XKR4: variants seen among roughly 807,000 people sequenced by gnomAD.
The protein encoded by XKR4 is XK related 4.
A neutral mutation model predicts 53.9 loss-of-function variants in XKR4; 12 were observed. The ratio of observed to expected loss-of-function variants is 0.22; its 90% CI spans 0.14 to 0.36. The LOEUF (loss-of-function observed/expected upper bound fraction) is 0.36. Ranked by LOEUF, XKR4 falls within the 10% of genes least tolerant of loss-of-function variation. The pLI is 1.00. For missense variants in XKR4, 799 were observed against 859.5 expected (o/e 0.93, Z 0.88); for synonymous variants, 354 against 362.4 (o/e 0.98, Z 0.26).
intron 2 of XKR4, among the ~76,000 whole-genome samples, chr8:55,489,956 T>C (rs60037021): frequency 0.33 from 50,524 of 152,072 alleles, 9,892 homozygotes; most frequent in African/African-American, 0.56. Context: ...ATTGCCATCA[T>C]ACATTTACAT....
At position 55,478,706 on chromosome 8, in the gene XKR4, T is replaced by G. The variant is rs1325204417; in HGVS notation, c.1007-44575T>G. Among the ~76,000 whole-genome samples, 383 of 152,092 alleles carry G rather than the reference T, an allele frequency of 2.5e-3. 1 individual carries two copies. The highest frequency in any genetic ancestry group is 8.9e-3 in the African/African-American group (368 of 41,422). ...CTCAAAATAAAAGGATGGAGGAAGA[T>G]CTACCAAGCAAATGGAAAACAAAAA... On this transcript the variant is annotated intron_variant, in intron 2 of 2. Transcript: ENST00000327381.
intron 1 of XKR4, among the ~76,000 whole-genome samples, chr8:55,206,043 G>A (rs920022004): frequency 3.9e-5 from 6 of 152,160 alleles, no homozygotes; most frequent in East Asian, 1.9e-4. Flanking sequence ...TGTTCCTACC[G>A]GTGGGTTCGT....
chr8:55,338,923 T>C (rs562519571), intron 1 of XKR4, among the ~76,000 whole-genome samples: 1 of 152,350 alleles, frequency 6.6e-6, no homozygotes, highest in Non-Finnish European at 1.5e-5. Flanking sequence ...GAGCAATAAG[T>C]AAATTGAACT....
At chr8:55,386,262 C>T (rs1158831623) in intron 2 of XKR4, among the ~76,000 whole-genome samples, 1 of 152,146 alleles carries the variant, frequency 6.6e-6, no homozygotes, top group Non-Finnish European at 1.5e-5. Flanking sequence ...GGGTCCCTCG[C>T]GGAGTCTTCC....
chr8:55,434,123 TA>T (rs1318253851), intron 2 of XKR4, among the ~76,000 whole-genome samples: 1 of 152,136 alleles, frequency 6.6e-6, no homozygotes, highest in African/African-American at 2.4e-5. Flanking sequence ...GTTTACTTAT[TA>T]AAAAATAAGT....
At chr8:55,455,138 A>G (rs1313618810) in intron 2 of XKR4, 3 of 605,900 alleles carry the variant, frequency 5.0e-6, no homozygotes, top group African/African-American at 3.6e-5. Flanking sequence ...GATCCGCGCC[A>G]TGGGGAGGGA....
At chr8:55,390,042 A>G (rs771144340) in intron 2 of XKR4, among the ~76,000 whole-genome samples, 3 of 152,186 alleles carry the variant, frequency 2.0e-5, no homozygotes, top group African/African-American at 7.2e-5. Context: ...ACGGGAAAAA[A>G]CAAACTTTAA....
intron 2 of XKR4, among the ~76,000 whole-genome samples, chr8:55,489,065 G>A (rs1334181883): frequency 2.6e-5 from 4 of 152,112 alleles, no homozygotes; most frequent in Non-Finnish European, 5.9e-5. Context: ...CTACAATGGT[G>A]GATACATGGC....
At chr8:55,509,075 T>C (rs1302114434) in intron 2 of XKR4, among the ~76,000 whole-genome samples, 2 of 152,240 alleles carry the variant, frequency 1.3e-5, no homozygotes, top group Non-Finnish European at 2.9e-5. Flanking sequence ...AATATATGGA[T>C]TGAAAAAGTT....
At chr8:55,392,493 A>C (rs1425214882) in intron 2 of XKR4, among the ~76,000 whole-genome samples, 1 of 152,244 alleles carries the variant, frequency 6.6e-6, no homozygotes, top group African/African-American at 2.4e-5. Context: ...TCGAGTTACT[A>C]TTAAAAATTA....
rs903393998 is a variant in XKR4, at chr8:55,187,208, G to A, written c.806+83914G>A. 2.6e-5 allele frequency among the ~76,000 whole-genome samples: 4 copies of A among 151,264 alleles called. 1 individual carries two copies. Among genetic ancestry groups the A allele is most frequent in the Admixed American group, 6.6e-5 (1 of 15,160 alleles). On this transcript the variant is annotated intron_variant, in intron 1 of 2. Coordinates refer to ENST00000327381, the MANE Select transcript of XKR4 (RefSeq NM_052898.2). ...TTGAATCACTTGCTGTAGTGTTTCTGCGGGGGAATCTAGACTGCCAGGCAC... is the reference window on the plus strand; with the variant it reads ...TTGAATCACTTGCTGTAGTGTTTCTACGGGGGAATCTAGACTGCCAGGCAC...
intron 2 of XKR4, among the ~76,000 whole-genome samples, chr8:55,461,115 T>G (rs1306312005): frequency 6.6e-6 from 1 of 152,190 alleles, no homozygotes; most frequent in African/African-American, 2.4e-5. Flanking sequence ...CTGACTGCTT[T>G]GAAGAGAGTA....
intron 1 of XKR4, among the ~76,000 whole-genome samples, chr8:55,281,449 G>C (rs1041644886): frequency 3.9e-5 from 6 of 152,116 alleles, no homozygotes; most frequent in Non-Finnish European, 7.3e-5. Context: ...GGGAAGAGGA[G>C]GGACTCAAGG....
intron 2 of XKR4, chr8:55,454,734 C>T: frequency 1.2e-6 from 1 of 803,304 alleles, no homozygotes; most frequent in East Asian, 2.4e-5. Flanking sequence ...TGTTCCTGAA[C>T]ACCTCCGCAT....
intron 1 of XKR4, among the ~76,000 whole-genome samples, chr8:55,293,532 T>C (rs1038083674): frequency 5.9e-5 from 9 of 152,180 alleles, no homozygotes; most frequent in African/African-American, 2.2e-4. Flanking sequence ...ATACATTTTA[T>C]CATTTATATC....
intron 1 of XKR4, among the ~76,000 whole-genome samples, chr8:55,253,731 C>CTTTTTTTT (rs67608017): frequency 2.6e-5 from 3 of 113,706 alleles, no homozygotes; most frequent in African/African-American, 6.4e-5. Context: ...ATTTTCTTTT[C>CTTTTTTTT]TTTTTTTTTT....
At chr8:55,411,024 C>T (rs529421630) in intron 2 of XKR4, among the ~76,000 whole-genome samples, 42 of 152,344 alleles carry the variant, frequency 2.8e-4, no homozygotes, top group African/African-American at 9.9e-4. Flanking sequence ...CTCTGACTTA[C>T]AACCAAATCT....
chr8:55,402,681 G>A (rs1365665326), intron 2 of XKR4, among the ~76,000 whole-genome samples: 1 of 152,184 alleles, frequency 6.6e-6, no homozygotes, highest in East Asian at 1.9e-4. Context: ...ATGTCGTGGG[G>A]CAAAACTGTG....
chr8:55,418,528 C>A (rs1442168105), intron 2 of XKR4, among the ~76,000 whole-genome samples: 1 of 152,222 alleles, frequency 6.6e-6, no homozygotes, highest in Non-Finnish European at 1.5e-5. Flanking sequence ...GATCCTATAA[C>A]TTTGCTCAGG....
Sources: gnomAD v4.1 joint callset for allele counts (sites outside exome capture counted in the v4.1 genomes callset) on GRCh38, gnomAD v4.1.1 for gene constraint, MANE v1.5 for transcripts, NCBI Gene and HGNC (gene_info 2026-07-23, HGNC 2026-07-21) for gene names.